Variants in DELE1 observed in about 807,000 individuals in gnomAD.
DELE1 encodes the protein death ligand signal enhancer.
DELE1 carries 54 observed loss-of-function variants against 59.3 expected under a neutral mutation model. The observed-to-expected ratio is 0.91, with a 90% CI of 0.73 to 1.14. The LOEUF (loss-of-function observed/expected upper bound fraction) is 1.14, where lower values mean the gene tolerates loss of function less well. DELE1 is among the 50% of genes most tolerant of loss of function. DELE1 has a pLI of 0.00. For synonymous variants in DELE1, 264 were observed against 259.1 expected (o/e 1.02, Z -0.18); for missense variants, 636 against 643.9 (o/e 0.99, Z 0.13).
intron 1 of DELE1, 94 bp downstream of exon 1, chr5:141,924,066 G>C: frequency 6.6e-7 from 1 of 1,514,118 alleles, no homozygotes; most frequent in Non-Finnish European, 9.0e-7. Flanking sequence ...GCGATCGTGG[G>C]CCGGGTTAGA....
rs1037970237 is a variant in DELE1, at chr5:141,941,443, C to T, written c.*2684C>T. The T allele has an allele frequency of 1.0e-6, 1 of 985,406 alleles. No individual in the cohort carries two copies. Among genetic ancestry groups the T allele is most frequent in the Non-Finnish European group, 1.2e-6 (1 of 830,000 alleles). The allele number at this position is 985,406 out of a possible 1,614,324, so 61.0% of individuals were successfully genotyped here. ...GACCAAAAATCCTTGGCTGTTCAGT[C>T]ACTGCGGTCTTGATCCAGCCCCAGG... On this transcript the variant is annotated 3_prime_UTR_variant, in exon 12 of 12. Coordinates refer to ENST00000432126, the MANE Select transcript of DELE1 (RefSeq NM_014773.5).
rs1188164740 is a variant in DELE1 at position 141,940,724 on chromosome 5, A to T, written c.*1965A>T. 1 of 966,510 alleles carries T rather than the reference A, an allele frequency of 1.0e-6. No homozygotes were observed. The highest frequency in any genetic ancestry group is 1.8e-5 in the African/African-American group (1 of 56,834). 59.9% of individuals were successfully genotyped at this position (966,510 alleles called of 1,614,324 possible). Reference sequence around the variant, plus strand: ...CCCTGCACATGGCCACCTTCCACAGATGGCACTCCTTGGGAGCAGGGTCCT... The same window carrying T: ...CCCTGCACATGGCCACCTTCCACAGTTGGCACTCCTTGGGAGCAGGGTCCT... On this transcript the variant is annotated 3_prime_UTR_variant, in exon 12 of 12. Transcript: ENST00000432126.
Position 141,938,719 on chromosome 5 carries a change from A to G in DELE1, c.1508A>G (p.Tyr503Cys), listed in dbSNP as rs754627487. Residue 503 changes from tyrosine (Y) to cysteine (C), a missense_variant, in exon 12 of 12, where the codon TAC becomes TGC. Coordinates refer to ENST00000432126, the MANE Select transcript of DELE1 (RefSeq NM_014773.5). ...AGCAGGGCTATTCCCCCACACCCCT[A>G]CCCACTGGAAAGGAGTGTTGTAAGA... ...ASSRAIPPHP[Y>C]PLERSVVRLG... 6 of 1,613,882 alleles carry G rather than the reference A, an allele frequency of 3.7e-6. No homozygotes were observed. Among genetic ancestry groups the G allele is most frequent in the Non-Finnish European group, 5.1e-6 (6 of 1,179,970 alleles).
intron 10 of DELE1, 77 bp from the exon 11 acceptor site, chr5:141,937,121 A>T (rs1388167366): frequency 6.3e-7 from 1 of 1,587,504 alleles, no homozygotes; most frequent in African/African-American, 1.3e-5. Flanking sequence ...GCCTGACTTC[A>T]TCTTCCTCCT....
chr5:141,934,213 G>C (rs759994121), intron 8 of DELE1, 27 bp from the exon 9 acceptor site: 1 of 1,572,670 alleles, frequency 6.4e-7, no homozygotes, highest in East Asian at 2.3e-5. Flanking sequence ...GTTGCCAGCC[G>C]ACTGGGTGTT....
At chr5:141,926,405 C>G (rs1316132399) in intron 3 of DELE1, among the ~76,000 whole-genome samples, 1 of 152,088 alleles carries the variant, frequency 6.6e-6, no homozygotes, top group Non-Finnish European at 1.5e-5. Flanking sequence ...CAGAGCCTAG[C>G]CCGTAATAGT....
At chr5:141,927,068 T>C (rs1033134520) in intron 3 of DELE1, among the ~76,000 whole-genome samples, 8 of 152,238 alleles carry the variant, frequency 5.3e-5, no homozygotes, top group Non-Finnish European at 8.8e-5. Flanking sequence ...ATTAGTTTCC[T>C]TCTTGGCATT....
intron 4 of DELE1, 55 bp from the exon 5 acceptor site, chr5:141,929,527 G>T: frequency 1.3e-6 from 2 of 1,584,260 alleles, no homozygotes; most frequent in Admixed American, 1.7e-5. Context: ...TGTGATTATA[G>T]GTGTGAGCCA....
Position 141,929,489 on chromosome 5 carries a change from A to T in DELE1, c.413-93A>T, listed in dbSNP as rs1751706589. 8 of 1,370,014 alleles carry T rather than the reference A, an allele frequency of 5.8e-6. No homozygotes were observed. In the South Asian group the frequency reaches 6.6e-5, roughly 11 times the overall value. The allele number at this position is 1,370,014 out of a possible 1,614,324, so 84.9% of individuals were successfully genotyped here. On this transcript the variant is annotated intron_variant, in intron 4 of 11. Transcript: ENST00000432126. ...GGTCTTGAACTCCTGACCTCAGGTG[A>T]TCCACCCGCCTCGGCCTCCCAAGGT...
In DELE1 at chr5:141,937,664, G is replaced by A. The variant is rs560719726; in HGVS notation, c.1309+307G>A. 1.0e-3 allele frequency among the ~76,000 whole-genome samples: 153 copies of A among 149,814 alleles called. 2 individuals are homozygous for A. Among genetic ancestry groups the A allele is most frequent in the Middle Eastern group, 3.4e-3 (1 of 292 alleles). On this transcript the variant is annotated intron_variant, in intron 11 of 11. Transcript: ENST00000432126. ...GCGGACCCTGTGGTCCCAGCTACTC[G>A]GGAGGCTGAGGCAGGAGAATGGCGT...
At chr5:141,924,049 A>C (rs2126858435) in intron 1 of DELE1, 77 bp downstream of exon 1, 1 of 1,550,710 alleles carries the variant, frequency 6.4e-7, no homozygotes, top group Non-Finnish European at 8.8e-7. Flanking sequence ...CCGAGGAAAC[A>C]GCCGAAGCGA....
Position 141,937,347 on chromosome 5 carries a change from G to A in DELE1, c.1299G>A (p.Met433Ile), listed in dbSNP as rs1752442669. 1 of 1,613,852 alleles carries A rather than the reference G, an allele frequency of 6.2e-7. No homozygotes were observed. Among genetic ancestry groups the A allele is most frequent in the Admixed American group, 1.7e-5 (1 of 59,998 alleles). Residue 433 changes from methionine (M) to isoleucine (I), a missense_variant, in exon 11 of 12, where the codon ATG becomes ATA. By Grantham distance (10) the Met-to-Ile change is conservative. Coordinates refer to ENST00000432126, the MANE Select transcript of DELE1 (RefSeq NM_014773.5). ...AGAGGCTGCGAGCCCTCTTTTCCAT[G>A]GGGGCTGCAGGTACAGACCCAAGTC... ...AQERLRALFS[M>I]GAAAPGPSDL...
At chr5:141,928,953 A>T (rs1751651832) in intron 4 of DELE1, among the ~76,000 whole-genome samples, 1 of 152,080 alleles carries the variant, frequency 6.6e-6, no homozygotes, top group Non-Finnish European at 1.5e-5. Flanking sequence ...GATGATAATC[A>T]TTAGCAATAT....
At chr5:141,929,912 G>A (rs1381255824) in intron 5 of DELE1, 77 bp from the exon 6 acceptor site, 2 of 1,536,678 alleles carry the variant, frequency 1.3e-6, no homozygotes, top group South Asian at 1.1e-5. Flanking sequence ...GGAAAGCCTG[G>A]GTAGACTGGG....
intron 3 of DELE1, among the ~76,000 whole-genome samples, chr5:141,926,744 A>G (rs976841603): frequency 6.6e-6 from 1 of 152,240 alleles, no homozygotes; most frequent in African/African-American, 2.4e-5. Flanking sequence ...GACTAAGGCC[A>G]TATCATACCC....
Position 141,924,408 on chromosome 5 carries a change from G to A in DELE1, c.32-173G>A, listed in dbSNP as rs530159322. Among the ~76,000 whole-genome samples, 6 of 152,352 alleles carry A rather than the reference G, an allele frequency of 3.9e-5. No homozygotes were observed. In the South Asian group the frequency reaches 1.2e-3, roughly 32 times the overall value. On this transcript the variant is annotated intron_variant, in intron 1 of 11. Transcript: ENST00000432126. Reference sequence around the variant, plus strand: ...AATCACATGGGCGCTTTTAAAAAACGTGGATGCTCTACCCTGAGAAATCTT... The same window carrying A: ...AATCACATGGGCGCTTTTAAAAAACATGGATGCTCTACCCTGAGAAATCTT...
intron 4 of DELE1, among the ~76,000 whole-genome samples, chr5:141,928,740 T>G (rs1751630665): frequency 6.6e-6 from 1 of 152,226 alleles, no homozygotes; most frequent in Non-Finnish European, 1.5e-5. Context: ...TGCATACTAG[T>G]CTTATGTCCC....
chr5:141,923,952 TC>T lies in DELE1; in HGVS notation c.14del (p.Pro5ArgfsTer19). On this transcript the variant is annotated frameshift_variant, in exon 1 of 12. Transcript: ENST00000432126. LOFTEE classifies it high-confidence loss of function. Reference sequence around the variant, plus strand: ...GGTGCTGGCAGCGACATGTGGCGCCTCCCGGGACTCCTGGGCCGAGGTAAGG... The same window carrying T: ...GGTGCTGGCAGCGACATGTGGCGCCTCCGGGACTCCTGGGCCGAGGTAAGG... Reference protein sequence around the residue: MWRLPGLLGRALPR... With the variant: MWRXPGLLGRALPR... 6.2e-7 allele frequency: 1 copy of T among 1,608,908 alleles called. No individual in the cohort carries two copies. The highest frequency in any genetic ancestry group is 8.5e-7 in the Non-Finnish European group (1 of 1,177,950).
chr5:141,932,884 C>A (rs1561516428), intron 7 of DELE1, among the ~76,000 whole-genome samples: 1 of 151,940 alleles, frequency 6.6e-6, no homozygotes, highest in South Asian at 2.1e-4. Flanking sequence ...CACCTGAGAT[C>A]AAGAGTTTGA....
Sources: gnomAD v4.1 joint callset for allele counts (sites outside exome capture counted in the v4.1 genomes callset) on GRCh38, gnomAD v4.1.1 for gene constraint, MANE v1.5 for transcripts, NCBI Gene and HGNC (gene_info 2026-07-23, HGNC 2026-07-21) for gene names.